CACNA1D: variants seen among roughly 807,000 people sequenced by gnomAD.
The protein encoded by CACNA1D is voltage-dependent L-type calcium channel subunit alpha-1D.
In CACNA1D, 55 loss-of-function variants were observed where a neutral mutation model predicts 257.1. The ratio of observed to expected loss-of-function variants is 0.21; its 90% confidence interval spans 0.17 to 0.27. CACNA1D has a LOEUF of 0.27. Among genes scored for constraint, CACNA1D ranks in the 10% least tolerant of loss-of-function variants. CACNA1D has a pLI of 1.00. For synonymous variants in CACNA1D, 980 were observed against 1,014.9 expected, an observed-to-expected ratio of 0.97 and a Z score of 0.65; for missense variants, 1,876 against 2,784.0, an observed-to-expected ratio of 0.67 and a Z score of 7.34.
At position 53,593,989 on chromosome 3, in the gene CACNA1D, T is replaced by C. The variant is rs528419971; in HGVS notation, c.484-56790T>C. 5.3e-5 allele frequency among the ~76,000 whole-genome samples: 8 copies of C among 151,856 alleles called. No individual in the cohort carries two copies. The East Asian group carries it at 1.6e-3, about 29-fold the overall frequency. ...TAGAAGGTGGAAAAAGAGAAAGAAGTGAGTAAGGTGAAGTCTTAGAAGAAG... is the reference window on the plus strand; with the variant it reads ...TAGAAGGTGGAAAAAGAGAAAGAAGCGAGTAAGGTGAAGTCTTAGAAGAAG... On this transcript the variant is annotated intron_variant, in intron 3 of 47. Transcript: ENST00000350061.
chr3:53,673,134 A>T lies in CACNA1D; in HGVS notation c.1220+8A>T. ...ACTTGGTGTATTGAGCGGGTAAGCT[A>T]CACCTCTTTCATCTTGAAAGCAGAG... On this transcript the variant is annotated splice_region_variant and intron_variant, in intron 8 of 47. Transcript: ENST00000350061. This position sits in a 1 kb window ranked among gnomAD's most constrained non-coding sequence, Gnocchi z 4.1. 1 of 1,529,142 alleles carries T rather than the reference A, an allele frequency of 6.5e-7. No individual in the cohort carries two copies. The highest frequency in any genetic ancestry group is 8.9e-7 in the Non-Finnish European group (1 of 1,126,310). 94.7% of individuals were successfully genotyped at this position (1,529,142 alleles called of 1,614,324 possible). A position where few individuals can be genotyped will look rare whatever the true frequency, so the allele number is the denominator to read the frequency against.
intron 3 of CACNA1D, among the ~76,000 whole-genome samples, chr3:53,650,335 T>A (rs542437353): frequency 5.9e-5 from 9 of 152,342 alleles, no homozygotes; most frequent in African/African-American, 2.2e-4. Context: ...AACAGATGCA[T>A]CTTCATTTTT....
At chr3:53,691,724 TATATAATATATATATTA>T (rs2094522517) in intron 8 of CACNA1D, among the ~76,000 whole-genome samples, 1 of 92,310 alleles carries the variant, frequency 1.1e-5, no homozygotes, top group Non-Finnish European at 2.2e-5. Context: ...ATATATTACA[TATATAATATATATATTA>T]CATATATAAT....
chr3:53,539,292 T>C (rs377120493), intron 3 of CACNA1D, among the ~76,000 whole-genome samples: 66 of 152,154 alleles, frequency 4.3e-4, no homozygotes, highest in African/African-American at 1.6e-3. Context: ...GTATTTTTAG[T>C]AGAGACAGGT....
intron 3 of CACNA1D, among the ~76,000 whole-genome samples, chr3:53,636,322 G>A (rs776633938): frequency 6.6e-6 from 1 of 152,056 alleles, no homozygotes. Context: ...TTTGTTTTTT[G>A]AGATGGAGTC....
intron 3 of CACNA1D, among the ~76,000 whole-genome samples, chr3:53,567,695 T>C (rs565808841): frequency 2.6e-4 from 39 of 152,272 alleles, no homozygotes; most frequent in African/African-American, 9.1e-4. Context: ...AAGCCCAAAG[T>C]CTGGATTTCA....
At chr3:53,515,067 G>A (rs543434636) in intron 3 of CACNA1D, among the ~76,000 whole-genome samples, 2 of 152,338 alleles carry the variant, frequency 1.3e-5, no homozygotes, top group African/African-American at 4.8e-5. Flanking sequence ...ACCAAGGACA[G>A]AGAGGGGGCT....
At chr3:53,732,993 T>C in intron 19 of CACNA1D, 31 bp downstream of exon 19, 1 of 1,612,852 alleles carries the variant, frequency 6.2e-7, no homozygotes, top group Admixed American at 1.7e-5. Context: ...CTCTCACGGC[T>C]GCCTCTTGCC....
At chr3:53,742,914 T>C in intron 21 of CACNA1D, 97 bp from the exon 22 acceptor site, 1 of 814,756 alleles carries the variant, frequency 1.2e-6, no homozygotes, top group South Asian at 1.4e-5. Context: ...GCACACTTGT[T>C]AATGAAGTTA....
intron 3 of CACNA1D, among the ~76,000 whole-genome samples, chr3:53,544,998 G>A (rs1232406833): frequency 6.6e-6 from 1 of 152,176 alleles, no homozygotes; most frequent in African/African-American, 2.4e-5. Context: ...ATTAGCTAAT[G>A]TTTTATAATT....
chr3:53,805,205 CA>C, intron 45 of CACNA1D, 59 bp downstream of exon 45: 1 of 1,531,468 alleles, frequency 6.5e-7, no homozygotes, highest in Non-Finnish European at 9.0e-7. Flanking sequence ...ACCTCTCCCC[CA>C]ACCCCCGCTC....
intron 5 of CACNA1D, among the ~76,000 whole-genome samples, chr3:53,664,188 C>A (rs909699247): frequency 6.6e-6 from 1 of 152,194 alleles, no homozygotes; most frequent in Non-Finnish European, 1.5e-5. Flanking sequence ...TCTCAACCTC[C>A]CCCTTCCCCT....
intron 46 of CACNA1D, 137 bp downstream of exon 46, chr3:53,808,907 G>T (rs548456084): frequency 1.1e-6 from 1 of 888,466 alleles, no homozygotes; most frequent in Non-Finnish European, 1.7e-6. Context: ...GTTAATCTTT[G>T]TAACAATCCT....
chr3:53,714,133 A>G (rs1266544003), intron 9 of CACNA1D, among the ~76,000 whole-genome samples: 2 of 152,226 alleles, frequency 1.3e-5, no homozygotes, highest in Non-Finnish European at 2.9e-5. Context: ...AAACTTCTCT[A>G]ACAAAGCTCT....
At chr3:53,797,263 G>T (rs1160928376) in intron 40 of CACNA1D, among the ~76,000 whole-genome samples, 2 of 152,190 alleles carry the variant, frequency 1.3e-5, no homozygotes, top group Non-Finnish European at 1.5e-5. Flanking sequence ...AATTCAGGGT[G>T]CTGTGCTTAA....
chr3:53,639,763 T>C (rs986431006), intron 3 of CACNA1D, among the ~76,000 whole-genome samples: 2 of 151,978 alleles, frequency 1.3e-5, no homozygotes, highest in Middle Eastern at 3.2e-3. Context: ...TCTCTGTTAA[T>C]GGAGAAAAAG....
At chr3:53,706,965 T>C (rs951522795) in intron 9 of CACNA1D, among the ~76,000 whole-genome samples, 3 of 152,218 alleles carry the variant, frequency 2.0e-5, no homozygotes, top group Non-Finnish European at 2.9e-5. Context: ...ACCATTGCCC[T>C]GTGCTTTTCT....
intron 3 of CACNA1D, among the ~76,000 whole-genome samples, chr3:53,615,214 C>G (rs571494797): frequency 5.9e-5 from 9 of 152,144 alleles, no homozygotes; most frequent in Non-Finnish European, 1.2e-4. Flanking sequence ...TAGAGGGACC[C>G]AAACCTTCCT....
chr3:53,776,929 G>A lies in CACNA1D; in HGVS notation c.4560G>A (p.Lys1520=), dbSNP rs1480503124. The A allele has an allele frequency of 6.2e-7, 1 of 1,614,122 alleles. No homozygotes were observed. The highest frequency in any genetic ancestry group is 1.7e-5 in the Admixed American group (1 of 60,030). Residue 1520 remains lysine, a synonymous_variant, in exon 37 of 48, where the codon AAG becomes AAA. Transcript: ENST00000350061. ...RRIQPPLGFG[K]LCPHRVACKR... ...TCCAGCCTCCCCTGGGGTTTGGGAA[G>A]TTATGTCCACACAGGGTAGCGTGCA...
Sources: gnomAD v4.1 joint callset for allele counts (sites outside exome capture counted in the v4.1 genomes callset) on GRCh38, gnomAD v4.1.1 for gene constraint, Gnocchi (gnomAD v3.1) non-coding constraint, MANE v1.5 for transcripts, NCBI Gene and HGNC (gene_info 2026-07-23, HGNC 2026-07-21) for gene names.